The following RELL1 variants were observed in gnomAD, a reference collection of about 807,000 sequenced individuals.
RELL1 encodes RELT like 1, also known as RELT-like protein 1.
A neutral mutation model predicts 23.0 loss-of-function variants in RELL1; 10 were observed. That is an observed-to-expected ratio of 0.43 (90% CI 0.27 to 0.74). RELL1 has a LOEUF of 0.74. RELL1 is among the 30% of genes least tolerant of loss of function. The pLI, the probability that RELL1 is intolerant of heterozygous loss-of-function variation, is 0.19. For missense variants in RELL1, 315 were observed against 364.4 expected (o/e 0.86, Z 1.10); for synonymous variants, 146 against 146.8 (o/e 0.99, Z 0.04).
At chr4:37,629,686 T>C (rs576348838) in intron 6 of RELL1, among the ~76,000 whole-genome samples, 21 of 152,132 alleles carry the variant, frequency 1.4e-4, no homozygotes, top group African/African-American at 4.6e-4. Flanking sequence ...GAGGGCTAAC[T>C]AACACTAGAA....
At chr4:37,610,235 A>ATT (rs148317617), downstream of RELL1, among the ~76,000 whole-genome samples, 713 of 151,392 alleles carry the variant, frequency 4.7e-3, 3 homozygotes, top group Non-Finnish European at 7.5e-3. This position sits in a 1 kb window ranked among gnomAD's most constrained non-coding sequence, Gnocchi z 4.1. Context: ...AGATTATCGT[A>ATT]TTTTTTTTTA....
intron 1 of RELL1, among the ~76,000 whole-genome samples, chr4:37,667,480 T>G (rs1351023137): frequency 1.4e-5 from 2 of 147,364 alleles, no homozygotes; most frequent in Non-Finnish European, 3.0e-5. Flanking sequence ...TCTGCTCCAT[T>G]ACTGCTGAAA....
chr4:37,674,732 A>C (rs1721962930), intron 1 of RELL1, among the ~76,000 whole-genome samples: 1 of 50,528 alleles, frequency 2.0e-5, no homozygotes, highest in South Asian at 5.1e-4. Context: ...CCCAAGTTGT[A>C]CTGTGATACA....
chr4:37,605,799 GAAAGAAAGAAAGAA>G (rs1300816132), downstream of RELL1, among the ~76,000 whole-genome samples: 3 of 89,018 alleles, frequency 3.4e-5, no homozygotes, highest in African/African-American at 1.1e-4. Flanking sequence ...GAAAGAGAAA[GAAAGAAAGAAAGAA>G]AGAAAGAAAG....
chr4:37,622,898 G>C (rs532861785), intron 6 of RELL1: 2 of 441,542 alleles, frequency 4.5e-6, no homozygotes, highest in South Asian at 3.2e-5. Context: ...TCTGCCTCCC[G>C]GGTTCAACTG....
At chr4:37,649,147 T>C (rs533186971) in intron 2 of RELL1, 129 bp downstream of exon 2, 889 of 780,990 alleles carry the variant, frequency 1.1e-3, no homozygotes, top group Non-Finnish European at 1.6e-3. Flanking sequence ...AATCTGCACT[T>C]ACACTACACT....
At chr4:37,589,295 A>G (rs1352090606), downstream of RELL1, among the ~76,000 whole-genome samples, 1 of 152,218 alleles carries the variant, frequency 6.6e-6, no homozygotes, top group Non-Finnish European at 1.5e-5. Context: ...GTAACTGATG[A>G]TCTTGCTTTC....
intron 1 of RELL1, among the ~76,000 whole-genome samples, chr4:37,670,339 G>A (rs538488238): frequency 2.6e-5 from 4 of 152,004 alleles, no homozygotes; most frequent in Admixed American, 2.6e-4. Flanking sequence ...CAGGATACTG[G>A]AAATCCCTTA....
chr4:37,669,446 C>T lies in RELL1; in HGVS notation c.88+16754G>A, dbSNP rs558881384. ...CCCCCACCCGGCCAGCCACCCCGTC[C>T]GGGAGGTGAGGGGCGCCTCTGCCCG... is the stretch of plus-strand genomic sequence containing the variant. On this transcript the variant is annotated intron_variant, in intron 1 of 6. Coordinates refer to ENST00000454158, the MANE Select transcript of RELL1 (RefSeq NM_001085400.2). 4.8e-3 allele frequency among the ~76,000 whole-genome samples: 718 copies of T among 148,522 alleles called. 1 individual carries two copies. The highest frequency in any genetic ancestry group is 0.017 in the African/African-American group (680 of 40,458).
chr4:37,629,794 C>T lies in RELL1; in HGVS notation c.*3+1591G>A, dbSNP rs572573935. Among the ~76,000 whole-genome samples the T allele has an allele frequency of 2.6e-5, 4 of 152,312 alleles. No homozygotes were observed. In the South Asian group the frequency reaches 6.2e-4, roughly 24 times the overall value. On this transcript the variant is annotated intron_variant, in intron 6 of 6. Transcript: ENST00000454158. ...CAACCCTCTGAGCCCGGCAGATTAT[C>T]AGAGAAGCTTCACCCAAAAGCCACA...
intron 1 of RELL1, among the ~76,000 whole-genome samples, chr4:37,681,020 G>A (rs1722202370): frequency 6.6e-6 from 1 of 151,692 alleles, no homozygotes; most frequent in Admixed American, 6.6e-5. Context: ...ATGGAATCAA[G>A]GGTGATTCTC....
At chr4:37,595,566 G>T (rs935577809) in intron 6 of RELL1, among the ~76,000 whole-genome samples, 6 of 57,420 alleles carry the variant, frequency 1.0e-4, no homozygotes, top group Non-Finnish European at 2.6e-4. Flanking sequence ...GATTGTGCTG[G>T]ATTGTGACAT....
At chr4:37,675,338 A>G (rs1721991826) in intron 1 of RELL1, among the ~76,000 whole-genome samples, 1 of 152,200 alleles carries the variant, frequency 6.6e-6, no homozygotes, top group South Asian at 2.1e-4. Flanking sequence ...CAATGAACAC[A>G]CACCTCACGT....
chr4:37,624,414 C>CT (rs1424551418), intron 6 of RELL1, among the ~76,000 whole-genome samples: 2 of 126,118 alleles, frequency 1.6e-5, no homozygotes, highest in African/African-American at 5.8e-5. Flanking sequence ...TTCTTTCTTT[C>CT]TTTCTTTTTT....
intron 1 of RELL1, among the ~76,000 whole-genome samples, chr4:37,667,385 G>A (rs1721574587): frequency 6.6e-6 from 1 of 150,740 alleles, no homozygotes; most frequent in Admixed American, 6.6e-5. Flanking sequence ...AGAACAGAGA[G>A]GTTAAGTAAC....
intron 1 of RELL1, among the ~76,000 whole-genome samples, chr4:37,657,579 T>C (rs1224032338): frequency 6.6e-6 from 1 of 152,196 alleles, no homozygotes; most frequent in Non-Finnish European, 1.5e-5. Flanking sequence ...CAGTTTTTCC[T>C]GAGGCCTTCC....
chr4:37,638,529 G>T (rs1720414923), intron 3 of RELL1, 25 bp from the exon 4 acceptor site: 3 of 1,552,166 alleles, frequency 1.9e-6, no homozygotes, highest in Non-Finnish European at 1.8e-6. Flanking sequence ...TAAAATTAAA[G>T]AATTAAAATA....
downstream of RELL1, among the ~76,000 whole-genome samples, chr4:37,610,051 G>A (rs559682120): frequency 6.6e-6 from 1 of 152,280 alleles, no homozygotes; most frequent in East Asian, 1.9e-4. This position sits in a 1 kb window ranked among gnomAD's most constrained non-coding sequence, Gnocchi z 4.1. Context: ...GCATGCTATA[G>A]AGAAAACTTT....
Position 37,631,326 on chromosome 4 carries a change from A to G in RELL1, c.*3+59T>C, listed in dbSNP as rs965568610. The G allele has an allele frequency of 2.0e-6, 3 of 1,535,010 alleles. 1 individual carries two copies. Among genetic ancestry groups the G allele is most frequent in the Non-Finnish European group, 2.6e-6 (3 of 1,139,170 alleles). Reference sequence around the variant, plus strand: ...CTGCCACAGCACCTGGGAGGCTCCAAGTACCTTCTCCTCACCCTGCACCAC... The same window carrying G: ...CTGCCACAGCACCTGGGAGGCTCCAGGTACCTTCTCCTCACCCTGCACCAC... On this transcript the variant is annotated intron_variant, in intron 6 of 6. Coordinates refer to ENST00000454158, the MANE Select transcript of RELL1 (RefSeq NM_001085400.2).
Sources: allele counts gnomAD v4.1 joint callset (sites outside exome capture counted in the v4.1 genomes callset), GRCh38; gene constraint gnomAD v4.1.1; non-coding constraint Gnocchi (gnomAD v3.1); transcripts MANE v1.5; gene names NCBI Gene and HGNC (gene_info 2026-07-23, HGNC 2026-07-21).